Variants in IL17D observed in about 807,000 individuals in gnomAD.
IL17D encodes interleukin 17D.
Under a neutral mutation model 5.7 loss-of-function variants are expected in IL17D, and 10 were observed. The ratio of observed to expected loss-of-function variants is 1.75; its 90% CI spans 1.08 to 2.97. The LOEUF is 2.97. Ranked by LOEUF, IL17D falls within the 30% of genes most tolerant of loss-of-function variation. The pLI, the probability that IL17D is intolerant of heterozygous loss-of-function variation, is 0.00. For missense variants in IL17D, 354 were observed against 292.7 expected (o/e 1.21, Z -1.53); for synonymous variants, 172 against 141.7 (o/e 1.21, Z -1.52).
intron 1 of IL17D, among the ~76,000 whole-genome samples, chr13:20,720,667 G>A (rs897469882): frequency 2.0e-5 from 3 of 152,096 alleles, no homozygotes; most frequent in Non-Finnish European, 2.9e-5. Flanking sequence ...TGGCCACCCC[G>A]ACTGGAAGCC....
At chr13:20,703,486 G>A (rs967769800), upstream of IL17D, 4 of 941,786 alleles carry the variant, frequency 4.2e-6, no homozygotes, top group Admixed American at 1.8e-4. Context: ...GGAAAAGCGG[G>A]CCGCGGACCC....
At chr13:20,717,327 G>A (rs1256530541) in intron 1 of IL17D, 6 of 152,392 alleles carry the variant, frequency 3.9e-5, no homozygotes, top group East Asian at 1.9e-4. Flanking sequence ...CACAGGAGGC[G>A]CGGCACAGGG....
intron 1 of IL17D, among the ~76,000 whole-genome samples, 190 bp downstream of exon 1, chr13:20,704,481 GGT>G: frequency 7.8e-6 from 1 of 127,650 alleles, no homozygotes; most frequent in East Asian, 2.4e-4. Context: ...GGGGTGGGGT[GGT>G]GCGGGGCGAG....
At chr13:20,707,440 CAAAAAAAAAAAAA>C (rs57118714) in intron 1 of IL17D, among the ~76,000 whole-genome samples, 1 of 75,832 alleles carries the variant, frequency 1.3e-5, no homozygotes, top group African/African-American at 5.1e-5. Context: ...GAACTTGTCT[CAAAAAAAAAAAAA>C]AAAAAAAAAA....
At position 20,704,144 on chromosome 13, in the gene IL17D, C is replaced by A; in HGVS notation, c.143C>A (p.Ala48Asp). 7.4e-7 allele frequency: 1 copy of A among 1,346,820 alleles called. No homozygotes were observed. Among genetic ancestry groups the A allele is most frequent in the South Asian group, 1.5e-5 (1 of 65,072 alleles). The allele number at this position is 1,346,820 out of a possible 1,614,324, so 83.4% of individuals were successfully genotyped here. A position where few individuals can be genotyped will look rare whatever the true frequency, so the allele number is the denominator to read the frequency against. ...GAGCAGCTGTACGGGCGCCTGGCGG[C>A]CGGCGTGCTCAGTGCCTTCCACCAC... ...LLEQLYGRLAAGVLSAFHHTL... is the reference protein window; with the variant it reads ...LLEQLYGRLADGVLSAFHHTL... Residue 48 changes from alanine (A) to aspartate (D), a missense_variant, in exon 1 of 2, where the codon GCC (alanine) becomes GAC (aspartate). By Grantham distance (126) the Ala-to-Asp change is moderately radical. Coordinates refer to ENST00000682841, the MANE Select transcript of IL17D (RefSeq NM_001385224.1).
chr13:20,703,283 T>A (rs1177096467), upstream of IL17D: 1 of 986,396 alleles, frequency 1.0e-6, no homozygotes, highest in Non-Finnish European at 1.2e-6. Flanking sequence ...GGCGCGAATC[T>A]GAAAGCGCTT....
intron 1 of IL17D, chr13:20,713,003 CCCTCTTT>C (rs2058652211): frequency 6.6e-6 from 1 of 151,620 alleles, no homozygotes; most frequent in African/African-American, 2.4e-5. Flanking sequence ...CTCCCTCCCT[CCCTCTTT>C]CTTTTTTATA....
At chr13:20,718,938 G>A (rs377582055) in intron 1 of IL17D, among the ~76,000 whole-genome samples, 14 of 116,010 alleles carry the variant, frequency 1.2e-4, no homozygotes, top group African/African-American at 3.1e-4. Context: ...ACCTGCCCAC[G>A]CTCACACCTG....
Position 20,717,802 on chromosome 13 carries a change from C to G in IL17D, c.291-3834C>G, listed in dbSNP as rs145992916. ...CTTACTTAGCCCAGAGGCATCCCAG[C>G]GGCGGGGGCAATTTCAGTCCCAAGT... On this transcript the variant is annotated intron_variant, in intron 1 of 1. Transcript: ENST00000682841. 4.1e-3 allele frequency among the ~76,000 whole-genome samples: 629 copies of G among 152,274 alleles called. 5 individuals are homozygous for G. The highest frequency in any genetic ancestry group is 0.015 in the African/African-American group (615 of 41,552).
chr13:20,707,222 A>T (rs1385714765), intron 1 of IL17D, among the ~76,000 whole-genome samples: 1 of 151,978 alleles, frequency 6.6e-6, no homozygotes, highest in South Asian at 2.1e-4. Context: ...CCGGCTACTC[A>T]GGAGGCGGAG....
intron 1 of IL17D, chr13:20,712,685 A>C (rs1428038694): frequency 6.6e-6 from 1 of 151,708 alleles, no homozygotes; most frequent in Admixed American, 6.6e-5. Context: ...AAAAAAAAAA[A>C]AAACCCCACC....
intron 1 of IL17D, among the ~76,000 whole-genome samples, chr13:20,714,640 C>T (rs889246597): frequency 6.6e-6 from 1 of 152,238 alleles, no homozygotes; most frequent in African/African-American, 2.4e-5. Context: ...AACCTCAGTA[C>T]CCAGACAGGG....
chr13:20,703,551 T>C (rs2058560968), upstream of IL17D: 1 of 477,506 alleles, frequency 2.1e-6, no homozygotes. Context: ...AGGGTGGGTC[T>C]GCGAGGCGGC....
rs914749830 is a variant in IL17D, at chr13:20,722,376, T to A, written c.*422T>A. 6.1e-6 allele frequency: 1 copy of A among 165,016 alleles called. No homozygotes were observed. Among genetic ancestry groups the A allele is most frequent in the Non-Finnish European group, 1.3e-5 (1 of 77,202 alleles). 10.2% of individuals were successfully genotyped at this position (165,016 alleles called of 1,614,324 possible). On this transcript the variant is annotated 3_prime_UTR_variant, in exon 2 of 2. Coordinates refer to ENST00000682841, the MANE Select transcript of IL17D (RefSeq NM_001385224.1). ...AAAATAATAATAAGTATAGCGACTA[T>A]ATACCTACTTTTAAAATCAACTGTT...
At chr13:20,718,305 T>C (rs891127317) in intron 1 of IL17D, among the ~76,000 whole-genome samples, 4 of 152,148 alleles carry the variant, frequency 2.6e-5, no homozygotes, top group Non-Finnish European at 1.5e-5. Flanking sequence ...TCCAGCCTGC[T>C]GCATGCCGCG....
rs1382001796 is a variant in IL17D, at chr13:20,722,530, A to AT, written c.*580dup. ...AAGCATAATTGGAATCCTTGGATAAATTTTGTAGCTGGTACACTCTGGCCT... is the reference window on the plus strand; with the variant it reads ...AAGCATAATTGGAATCCTTGGATAAATTTTTGTAGCTGGTACACTCTGGCCT... On this transcript the variant is annotated 3_prime_UTR_variant, in exon 2 of 2. Transcript: ENST00000682841. 6.6e-6 allele frequency: 1 copy of AT among 152,140 alleles called. No individual in the cohort carries two copies. Among genetic ancestry groups the AT allele is most frequent in the Non-Finnish European group, 1.5e-5 (1 of 68,060 alleles). 9.4% of individuals were successfully genotyped at this position (152,140 alleles called of 1,614,324 possible). A position where few individuals can be genotyped will look rare whatever the true frequency, so the allele number is the denominator to read the frequency against.
At chr13:20,715,439 T>G (rs1189685225) in intron 1 of IL17D, among the ~76,000 whole-genome samples, 2 of 152,204 alleles carry the variant, frequency 1.3e-5, no homozygotes, top group Non-Finnish European at 2.9e-5. Flanking sequence ...ACTTGGGAAA[T>G]GCAATCATCC....
Position 20,704,306 on chromosome 13 carries a change from C to A in IL17D, c.290+15C>A, listed in dbSNP as rs2058572704. The A allele has an allele frequency of 4.9e-6, 5 of 1,022,698 alleles. No homozygotes were observed. In the South Asian group the frequency reaches 1.5e-4, roughly 31 times the overall value. The allele number at this position is 1,022,698 out of a possible 1,614,324, so 63.4% of individuals were successfully genotyped here. A position where few individuals can be genotyped will look rare whatever the true frequency, so the allele number is the denominator to read the frequency against. ...TGGGCCTACAGGTGAGCCGCGGGCG[C>A]GTCCTGGCGGGGCCCGGCAGGTGGG... On this transcript the variant is annotated intron_variant, in intron 1 of 1. Transcript: ENST00000682841.
At position 20,722,925 on chromosome 13, in the gene IL17D, A is replaced by G. The variant is rs1595005598; in HGVS notation, c.*971A>G. 1 of 152,186 alleles carries G rather than the reference A, an allele frequency of 6.6e-6. No homozygotes were observed. Among genetic ancestry groups the G allele is most frequent in the African/African-American group, 2.4e-5 (1 of 41,432 alleles). The allele number at this position is 152,186 out of a possible 1,614,324, so 9.4% of individuals were successfully genotyped here. A position where few individuals can be genotyped will look rare whatever the true frequency, so the allele number is the denominator to read the frequency against. ...TAGGATCAGGCTGAATATGAGGACA[A>G]AGTGGGCCACGTTAGCATCTGCAGA... is the stretch of plus-strand genomic sequence containing the variant. On this transcript the variant is annotated 3_prime_UTR_variant, in exon 2 of 2. Transcript: ENST00000682841.
Sources: gnomAD v4.1 joint callset for allele counts (sites outside exome capture counted in the v4.1 genomes callset) on GRCh38, gnomAD v4.1.1 for gene constraint, MANE v1.5 for transcripts, NCBI Gene and HGNC (gene_info 2026-07-23, HGNC 2026-07-21) for gene names.